The following AADACL2 variants were observed in gnomAD, a reference collection of about 807,000 sequenced individuals.
AADACL2 encodes the protein arylacetamide deacetylase-like 2.
A neutral mutation model predicts 22.3 loss-of-function variants in AADACL2; 23 were observed. The ratio of observed to expected loss-of-function variants is 1.03; its 90% CI spans 0.74 to 1.46. The LOEUF is 1.46. Ranked by LOEUF, AADACL2 falls within the 40% of genes most tolerant of loss-of-function variation. The pLI is 0.00. For missense variants in AADACL2, 472 were observed against 482.9 expected (o/e 0.98, Z 0.21); for synonymous variants, 177 against 166.2 (o/e 1.07, Z -0.50).
chr3:151,745,620 C>G lies in AADACL2; in HGVS notation c.543C>G (p.Thr181=). ...KILTKYGVDP[T]RICIAGDSSG... The stretch of plus-strand genomic sequence containing the variant: ...TTACAAAATATGGAGTGGATCCCAC[C>G]CGAATCTGCATTGCGGGAGACAGTT... Residue 181 remains threonine, a synonymous_variant, in exon 4 of 5, where the codon ACC becomes ACG. Transcript: ENST00000356517. The G allele has an allele frequency of 1.2e-6, 2 of 1,613,480 alleles. No homozygotes were observed. Among genetic ancestry groups the G allele is most frequent in the Non-Finnish European group, 1.7e-6 (2 of 1,179,782 alleles).
intron 2 of AADACL2, among the ~76,000 whole-genome samples, chr3:151,741,673 C>T (rs935004537): frequency 6.6e-6 from 1 of 152,074 alleles, no homozygotes. Flanking sequence ...ACCAAGTTTG[C>T]CTCATTTCTC....
Position 151,757,281 on chromosome 3 carries a change from C to G in AADACL2, c.893C>G (p.Thr298Ser). ...AAGTATAGAAAAGACTATGTATATACTGAACCAATTCTTGGAGGACTTAGT... is the reference window on the plus strand; with the variant it reads ...AAGTATAGAAAAGACTATGTATATAGTGAACCAATTCTTGGAGGACTTAGT... ...PEKYRKDYVY[T>S]EPILGGLSYS... The change falls in exon 5 of 5, where the codon ACT becomes AGT. Residue 298 changes from threonine to serine, a missense_variant. Around this residue, in one of 3 missense-constraint regions of AADACL2, gnomAD observed 356 missense variants for 365.5 expected, o/e 0.97. Coordinates refer to ENST00000356517, the MANE Select transcript of AADACL2 (RefSeq NM_207365.4). 6.2e-7 allele frequency: 1 copy of G among 1,613,752 alleles called. No homozygotes were observed.
chr3:151,735,925 A>G (rs115598656), intron 1 of AADACL2, among the ~76,000 whole-genome samples: 1,634 of 152,302 alleles, frequency 0.011, 28 homozygotes, highest in African/African-American at 0.037. Context: ...TAAACTGTCC[A>G]GTGACATAAC....
rs1474259386 is a variant in AADACL2, at chr3:151,757,237, G to T, written c.849G>T (p.Trp283Cys). 3.7e-6 allele frequency: 6 copies of T among 1,613,690 alleles called. No homozygotes were observed. The highest frequency in any genetic ancestry group is 5.1e-6 in the Non-Finnish European group (6 of 1,179,700). ...GACATCTGTTTAAGTTTGTTAACTG[G>T]AGTATTCTTCTTCCTGAGAAGTATA... Reference protein sequence around the residue: ...ESRHLFKFVNWSILLPEKYRK... With the variant: ...ESRHLFKFVNCSILLPEKYRK... The change falls in exon 5 of 5, where the codon TGG becomes TGT. Residue 283 changes from tryptophan to cysteine, a missense_variant. Coordinates refer to ENST00000356517, the MANE Select transcript of AADACL2 (RefSeq NM_207365.4).
At chr3:151,738,973 C>T (rs1354929269) in intron 1 of AADACL2, among the ~76,000 whole-genome samples, 1 of 152,162 alleles carries the variant, frequency 6.6e-6, no homozygotes, top group East Asian at 1.9e-4. Flanking sequence ...CTTGTTATTA[C>T]CCATCTTCTG....
chr3:151,745,549 G>A lies in AADACL2; in HGVS notation c.472G>A (p.Glu158Lys). ...TCAACACCACTTTCCTGCTCAGTTTGAAGATGGCCTTGCTGCAGTCAAATT... is the reference window on the plus strand; with the variant it reads ...TCAACACCACTTTCCTGCTCAGTTTAAAGATGGCCTTGCTGCAGTCAAATT... ...APQHHFPAQF[E>K]DGLAAVKFFL... Residue 158 changes from glutamate to lysine, a missense_variant, in exon 4 of 5, where the codon GAA becomes AAA. Physicochemically the swap from Glu to Lys is moderately conservative, Grantham distance 56. Coordinates refer to ENST00000356517, the MANE Select transcript of AADACL2 (RefSeq NM_207365.4). The A allele has an allele frequency of 6.2e-7, 1 of 1,613,816 alleles. No homozygotes were observed. The highest frequency in any genetic ancestry group is 8.5e-7 in the Non-Finnish European group (1 of 1,179,842).
chr3:151,740,661 A>T lies in AADACL2; in HGVS notation c.154A>T (p.Asn52Tyr). 1.2e-6 allele frequency: 2 copies of T among 1,608,452 alleles called. No individual in the cohort carries two copies. The highest frequency in any genetic ancestry group is 1.7e-6 in the Non-Finnish European group (2 of 1,176,816). The change falls in exon 2 of 5, where the codon AAT becomes TAT. Residue 52 changes from asparagine (N) to tyrosine (Y), a missense_variant. Asn to Tyr is a moderately radical substitution (Grantham distance 143). Coordinates refer to ENST00000356517, the MANE Select transcript of AADACL2 (RefSeq NM_207365.4). ...TCTFTAMCFE[N>Y]MRIMRYEEFI... ...GTTCTTACAGGCTATGTGTTTTGAA[A>T]ATATGCGTATTATGAGATATGAAGA...
At chr3:151,746,477 T>C (rs1713451944) in intron 4 of AADACL2, among the ~76,000 whole-genome samples, 1 of 151,796 alleles carries the variant, frequency 6.6e-6, no homozygotes, top group Non-Finnish European at 1.5e-5. Flanking sequence ...ATTATTGCAC[T>C]GTCTGGGGCC....
At chr3:151,749,634 C>T (rs1713589018) in intron 4 of AADACL2, among the ~76,000 whole-genome samples, 1 of 152,102 alleles carries the variant, frequency 6.6e-6, no homozygotes, top group Admixed American at 6.5e-5. Context: ...AGGCACCCGC[C>T]ATCATGCCTG....
intron 3 of AADACL2, among the ~76,000 whole-genome samples, chr3:151,744,772 C>A (rs1396453229): frequency 2.0e-5 from 3 of 151,936 alleles, no homozygotes; most frequent in Non-Finnish European, 1.5e-5. Flanking sequence ...ACCCTATTAC[C>A]AACATTTCAT....
intron 4 of AADACL2, among the ~76,000 whole-genome samples, chr3:151,754,257 A>G (rs977378030): frequency 3.9e-5 from 6 of 152,172 alleles, no homozygotes; most frequent in African/African-American, 1.2e-4. Flanking sequence ...CAAGCATTTT[A>G]GCATGGCATA....
At chr3:151,748,016 C>T (rs1713516465) in intron 4 of AADACL2, among the ~76,000 whole-genome samples, 1 of 151,816 alleles carries the variant, frequency 6.6e-6, no homozygotes, top group Admixed American at 6.6e-5. Flanking sequence ...GAATATTAAC[C>T]CCTTATTGAA....
chr3:151,747,754 T>C (rs1713504927), intron 4 of AADACL2, among the ~76,000 whole-genome samples: 2 of 152,104 alleles, frequency 1.3e-5, no homozygotes, highest in South Asian at 4.1e-4. Context: ...CGAGTACAGA[T>C]ATCTCTTCAC....
At position 151,735,024 on chromosome 3, in the gene AADACL2, G is replaced by A. The variant is rs192891470; in HGVS notation, c.138+851G>A. Among the ~76,000 whole-genome samples the A allele has an allele frequency of 2.0e-3, 302 of 152,280 alleles. 2 individuals carry two copies. The highest frequency in any genetic ancestry group is 7.0e-3 in the African/African-American group (292 of 41,556). The stretch of plus-strand genomic sequence containing the variant: ...AGAGCAACCCATGGTATAAAAAGAA[G>A]AGGCTGTCTTATGATGCTTTGTACA... On this transcript the variant is annotated intron_variant, in intron 1 of 4. Transcript: ENST00000356517.
At position 151,760,705 on chromosome 3, in the gene AADACL2, C is replaced by G. The variant is rs1252902887; in HGVS notation, c.*3111C>G. On this transcript the variant is annotated 3_prime_UTR_variant, in exon 5 of 5. Transcript: ENST00000356517. Reference sequence around the variant, plus strand: ...TCCATTCCAGCATTGTGTTTGTTTGCTAGAGCTGCTATAACAAAGTATCAC... The same window carrying G: ...TCCATTCCAGCATTGTGTTTGTTTGGTAGAGCTGCTATAACAAAGTATCAC... 6.6e-6 allele frequency: 1 copy of G among 152,126 alleles called. No individual in the cohort carries two copies. The highest frequency in any genetic ancestry group is 1.5e-5 in the Non-Finnish European group (1 of 68,018). The allele number at this position is 152,126 out of a possible 1,614,324, so 9.4% of individuals were successfully genotyped here.
Position 151,757,277 on chromosome 3 carries a change from T to G in AADACL2, c.889T>G (p.Tyr297Asp), listed in dbSNP as rs369006509. Residue 297 changes from tyrosine to aspartate, a missense_variant, in exon 5 of 5, where the codon TAT becomes GAT. Tyr to Asp is a radical substitution (Grantham distance 160, BLOSUM62 -3). This residue lies in a region of AADACL2 where 356 missense variants were observed against 365.5 expected (regional missense o/e 0.97). Transcript: ENST00000356517. ...TGAGAAGTATAGAAAAGACTATGTATATACTGAACCAATTCTTGGAGGACT... is the reference window on the plus strand; with the variant it reads ...TGAGAAGTATAGAAAAGACTATGTAGATACTGAACCAATTCTTGGAGGACT... ...LPEKYRKDYV[Y>D]TEPILGGLSY... 1 of 1,613,648 alleles carries G rather than the reference T, an allele frequency of 6.2e-7. No homozygotes were observed. The highest frequency in any genetic ancestry group is 8.5e-7 in the Non-Finnish European group (1 of 1,179,728).
chr3:151,745,605 T>C lies in AADACL2; in HGVS notation c.528T>C (p.Tyr176=), dbSNP rs1201556393. 3 of 1,613,864 alleles carry C rather than the reference T, an allele frequency of 1.9e-6. No individual in the cohort carries two copies. The highest frequency in any genetic ancestry group is 2.7e-5 in the African/African-American group (2 of 75,036). ...FFLLEKILTK[Y]GVDPTRICIA... is the part of the protein sequence containing the mutation. ...TTTTGGAAAAAATTCTTACAAAATATGGAGTGGATCCCACCCGAATCTGCA... is the reference window on the plus strand; with the variant it reads ...TTTTGGAAAAAATTCTTACAAAATACGGAGTGGATCCCACCCGAATCTGCA... The change falls in exon 4 of 5, where the codon TAT becomes TAC. Residue 176 remains tyrosine (Y), a synonymous_variant. Transcript: ENST00000356517.
In AADACL2 at chr3:151,748,081, AT is replaced by A. The variant is rs1319733660; in HGVS notation, c.603+2403del. On this transcript the variant is annotated intron_variant, in intron 4 of 4. Transcript: ENST00000356517. Reference sequence around the variant, plus strand: ...TGTAGAGTGTCTCTTCACTCTGTTGATTGTTTCTTTTTTCGTGCAGATGCTT... The same window carrying A: ...TGTAGAGTGTCTCTTCACTCTGTTGATGTTTCTTTTTTCGTGCAGATGCTT... Among the ~76,000 whole-genome samples, 7 of 150,832 alleles carry A rather than the reference AT, an allele frequency of 4.6e-5. No homozygotes were observed. In the East Asian group the frequency reaches 1.4e-3, roughly 29 times the overall value.
chr3:151,747,540 C>G (rs751676152), intron 4 of AADACL2, among the ~76,000 whole-genome samples: 5 of 151,976 alleles, frequency 3.3e-5, no homozygotes, highest in African/African-American at 4.8e-5. Context: ...GTGTAAGGAC[C>G]TCCAGGTTCA....
Sources: gnomAD v4.1 joint callset for allele counts (sites outside exome capture counted in the v4.1 genomes callset) on GRCh38, gnomAD v4.1.1 for gene constraint, gnomAD v4.1.1 regional missense constraint, MANE v1.5 for transcripts, NCBI Gene and HGNC (gene_info 2026-07-23, HGNC 2026-07-21) for gene names.